Variants in THADA observed in about 807,000 individuals in gnomAD.
THADA encodes the protein THADA armadillo repeat containing.
A neutral mutation model predicts 219.8 loss-of-function variants in THADA; 213 were observed. The observed-to-expected ratio is 0.97, with a 90% CI of 0.87 to 1.09. THADA has a LOEUF of 1.09. THADA is among the 50% of genes least tolerant of loss of function. THADA has a pLI of 0.00. For synonymous variants in THADA, 1,018 were observed against 828.9 expected, an observed-to-expected ratio of 1.23 and a Z score of -3.92; for missense variants, 2,956 against 2,311.3, an observed-to-expected ratio of 1.28 and a Z score of -5.72.
chr2:43,261,355 C>T (rs1395325151), intron 36 of THADA, among the ~76,000 whole-genome samples: 3 of 150,126 alleles, frequency 2.0e-5, no homozygotes, highest in Non-Finnish European at 4.4e-5. Flanking sequence ...TCCTGAGTAG[C>T]TGGGACTACA....
intron 22 of THADA, among the ~76,000 whole-genome samples, chr2:43,526,289 G>A (rs536344633): frequency 1.3e-5 from 2 of 152,016 alleles, no homozygotes; most frequent in Admixed American, 6.6e-5. Flanking sequence ...CTATTTCAGA[G>A]CAAAAATGTT....
At position 43,508,716 on chromosome 2, in the gene THADA, T is replaced by A; in HGVS notation, c.3439A>T (p.Lys1147Ter). ...QWLWSVLEEI[K>*]CSDPSSKLCA... ...AGTTTAGATGAAGGATCACTGCATT[T>A]AATTTCCTCTAAAACACTCCATAGC... Residue 1147 changes from lysine to a stop codon, truncating the protein, a stop_gained, in exon 23 of 38, where the codon AAA (lysine) becomes TAA (stop). Transcript: ENST00000405975. LOFTEE classifies it high-confidence loss of function. The A allele has an allele frequency of 1.2e-6, 2 of 1,613,812 alleles. No individual in the cohort carries two copies. Among genetic ancestry groups the A allele is most frequent in the Non-Finnish European group, 1.7e-6 (2 of 1,179,746 alleles).
At chr2:43,343,547 T>C (rs1465767894) in intron 30 of THADA, 2 of 152,558 alleles carry the variant, frequency 1.3e-5, no homozygotes, top group African/African-American at 4.8e-5. Flanking sequence ...ACATGAGAAA[T>C]TCCTTTTACT....
At chr2:43,480,805 G>A (rs1197688949) in intron 26 of THADA, among the ~76,000 whole-genome samples, 1 of 149,238 alleles carries the variant, frequency 6.7e-6, no homozygotes, top group African/African-American at 2.5e-5. Flanking sequence ...GCAACAGTGC[G>A]AGACTCTGTC....
chr2:43,514,109 G>A (rs1316428952), intron 22 of THADA, among the ~76,000 whole-genome samples: 3 of 151,218 alleles, frequency 2.0e-5, no homozygotes, highest in Non-Finnish European at 4.4e-5. Flanking sequence ...ACAAGCCGTA[G>A]TGAAATAAGA....
chr2:43,305,971 T>TTC (rs139495565), intron 31 of THADA, among the ~76,000 whole-genome samples: 1,085 of 105,384 alleles, frequency 0.01, 4 homozygotes, highest in Admixed American at 0.02. Flanking sequence ...CCTCCCTCCC[T>TTC]TCTCTCTCTC....
chr2:43,377,793 A>G (rs1210510684), intron 29 of THADA, among the ~76,000 whole-genome samples: 1 of 152,142 alleles, frequency 6.6e-6, no homozygotes, highest in Non-Finnish European at 1.5e-5. Flanking sequence ...ACCAGAGACA[A>G]CTGCCTCTAC....
At chr2:43,290,568 C>G (rs1226085054) in intron 34 of THADA, among the ~76,000 whole-genome samples, 5 of 152,172 alleles carry the variant, frequency 3.3e-5, no homozygotes, top group Non-Finnish European at 7.4e-5. Flanking sequence ...ACGGCCCTGG[C>G]ACACCTTGTT....
rs766920938 is a variant in THADA at position 43,262,485 on chromosome 2, TATGGA to T, written c.5296+17275_5296+17279del. ...CTGCCAATCAGTCTGGACTCACTCA[TATGGA>T]ATGGACTGCAGTCACTTGAGAGAGA... is the stretch of plus-strand genomic sequence containing the variant. On this transcript the variant is annotated intron_variant, in intron 36 of 37. Transcript: ENST00000405975. Among the ~76,000 whole-genome samples the T allele has an allele frequency of 1.6e-3, 244 of 152,308 alleles. 2 individuals are homozygous for T. The highest frequency in any genetic ancestry group is 2.4e-3 in the Non-Finnish European group (162 of 68,022).
chr2:43,401,383 A>G (rs1674814501), intron 28 of THADA, among the ~76,000 whole-genome samples: 1 of 152,102 alleles, frequency 6.6e-6, no homozygotes, highest in South Asian at 2.1e-4. Flanking sequence ...GGTTCACGCC[A>G]TTCTCCTGCC....
At chr2:43,317,733 G>A (rs751276008) in intron 31 of THADA, among the ~76,000 whole-genome samples, 1 of 152,140 alleles carries the variant, frequency 6.6e-6, no homozygotes, top group African/African-American at 2.4e-5. Context: ...TTGTGTGGAT[G>A]TATTATATGA....
At chr2:43,507,428 A>C (rs1248580309) in intron 23 of THADA, among the ~76,000 whole-genome samples, 2 of 152,226 alleles carry the variant, frequency 1.3e-5, no homozygotes, top group Non-Finnish European at 2.9e-5. Context: ...CAGACAAATG[A>C]CACGTAAAAA....
chr2:43,564,581 T>C (rs188238396), intron 15 of THADA: 23 of 152,382 alleles, frequency 1.5e-4, no homozygotes, highest in Admixed American at 3.3e-4. Context: ...TAAGAATATC[T>C]GCAAGGACCC....
At chr2:43,443,911 A>G (rs769731985) in intron 26 of THADA, among the ~76,000 whole-genome samples, 1 of 152,198 alleles carries the variant, frequency 6.6e-6, no homozygotes, top group Non-Finnish European at 1.5e-5. Flanking sequence ...ACCTCTACCA[A>G]CAAGGCAACC....
chr2:43,309,903 G>A (rs1677291986), intron 31 of THADA, among the ~76,000 whole-genome samples: 1 of 152,200 alleles, frequency 6.6e-6, no homozygotes, highest in Non-Finnish European at 1.5e-5. Flanking sequence ...AATATCAATT[G>A]TAGCTCTATA....
intron 28 of THADA, among the ~76,000 whole-genome samples, chr2:43,425,090 C>A (rs1029025028): frequency 1.3e-5 from 2 of 152,142 alleles, no homozygotes; most frequent in Non-Finnish European, 2.9e-5. Context: ...AACCAAAAAA[C>A]AAGGTTATTT....
chr2:43,369,467 C>T (rs1262228970), intron 29 of THADA, among the ~76,000 whole-genome samples: 1 of 152,212 alleles, frequency 6.6e-6, no homozygotes, highest in East Asian at 1.9e-4. Flanking sequence ...TTGGGGGATA[C>T]ACCTTCTTAT....
At chr2:43,572,014 TCC>T (rs1699358331) in intron 12 of THADA, among the ~76,000 whole-genome samples, 152 bp from the exon 13 acceptor site, 1 of 152,222 alleles carries the variant, frequency 6.6e-6, no homozygotes, top group South Asian at 2.1e-4. Context: ...ATCTCAAAGA[TCC>T]TAGGGTTATT....
chr2:43,477,113 T>C (rs1194156594), intron 26 of THADA, among the ~76,000 whole-genome samples: 4 of 152,228 alleles, frequency 2.6e-5, no homozygotes, highest in Admixed American at 2.0e-4. Context: ...AATATATATG[T>C]CTTTCTCACA....
Sources: allele counts gnomAD v4.1 joint callset (sites outside exome capture counted in the v4.1 genomes callset), GRCh38; gene constraint gnomAD v4.1.1; transcripts MANE v1.5; gene names NCBI Gene and HGNC (gene_info 2026-07-23, HGNC 2026-07-21).